BMPR2: variants seen among roughly 807,000 people sequenced by gnomAD.
BMPR2 encodes the protein bone morphogenetic protein receptor type-2.
In BMPR2, 29 loss-of-function variants were observed where a neutral mutation model predicts 100.8. That is an observed-to-expected ratio of 0.29 (90% CI 0.21 to 0.39). The LOEUF (loss-of-function observed/expected upper bound fraction) is 0.39. Among genes scored for constraint, BMPR2 ranks in the 10% least tolerant of loss-of-function variants. The pLI, the probability that BMPR2 is intolerant of heterozygous loss-of-function variation, is 1.00. For synonymous variants in BMPR2, 382 were observed against 442.3 expected, an observed-to-expected ratio of 0.86 and a Z score of 1.71; for missense variants, 1,011 against 1,274.5, an observed-to-expected ratio of 0.79 and a Z score of 3.15.
intron 10 of BMPR2, among the ~76,000 whole-genome samples, chr2:202,550,482 T>A (rs1688457493): frequency 6.6e-6 from 1 of 151,962 alleles, no homozygotes; most frequent in Non-Finnish European, 1.5e-5. Flanking sequence ...CCTTCCAAAG[T>A]CCTGGGATTA....
chr2:202,536,454 A>G lies in BMPR2; in HGVS notation c.1276+3722A>G, dbSNP rs544412283. 9.9e-5 allele frequency among the ~76,000 whole-genome samples: 15 copies of G among 152,284 alleles called. No individual in the cohort carries two copies. The East Asian group carries it at 2.7e-3, about 27-fold the overall frequency. On this transcript the variant is annotated intron_variant, in intron 9 of 12. Coordinates refer to ENST00000374580, the MANE Select transcript of BMPR2 (RefSeq NM_001204.7). ...ATTCAAAAATATAATGAAATAAATC[A>G]GTGATTAGTAGATTAAGTACAGGTT... is the stretch of plus-strand genomic sequence containing the variant.
chr2:202,402,936 C>T (rs1690796598), intron 1 of BMPR2, among the ~76,000 whole-genome samples: 1 of 151,812 alleles, frequency 6.6e-6, no homozygotes, highest in Non-Finnish European at 1.5e-5. Flanking sequence ...ACAAGCCATT[C>T]TCCTGCCTCA....
chr2:202,425,372 A>G lies in BMPR2; in HGVS notation c.77-39437A>G, dbSNP rs139486368. Among the ~76,000 whole-genome samples the G allele has an allele frequency of 2.5e-3, 376 of 152,328 alleles. 1 individual carries two copies. The highest frequency in any genetic ancestry group is 0.014 in the Middle Eastern group (4 of 294). On this transcript the variant is annotated intron_variant, in intron 1 of 12. Transcript: ENST00000374580. ...CAGGAAACAGAAGCGAGGTACAGAA[A>G]TAGCCGATTGGTTACAGCTTGGCAT...
intron 1 of BMPR2, among the ~76,000 whole-genome samples, chr2:202,453,600 A>G (rs1474588382): frequency 6.6e-6 from 1 of 152,224 alleles, no homozygotes; most frequent in Non-Finnish European, 1.5e-5. Context: ...TGGGAGCTCA[A>G]AATTAAAACA....
rs758179887 is a variant in BMPR2 at position 202,514,126 on chromosome 2, ATTTAT to A, written c.529+321_529+325del. Among the ~76,000 whole-genome samples the A allele has an allele frequency of 2.9e-3, 445 of 151,830 alleles. 3 individuals are homozygous for A. Among genetic ancestry groups the A allele is most frequent in the East Asian group, 9.1e-3 (47 of 5,178 alleles). ...CTACAATACAAGAGCTTTTTTTAAA[ATTTAT>A]TTTATTTTATTTTATTTTATTTTTG... On this transcript the variant is annotated intron_variant, in intron 4 of 12. Coordinates refer to ENST00000374580, the MANE Select transcript of BMPR2 (RefSeq NM_001204.7).
chr2:202,384,040 C>G (rs1010714178), intron 1 of BMPR2, among the ~76,000 whole-genome samples: 1 of 151,388 alleles, frequency 6.6e-6, no homozygotes, highest in Non-Finnish European at 1.5e-5. Flanking sequence ...GGCGTGGTGG[C>G]GGGCGCCTAT....
chr2:202,379,999 G>C (rs752549751), intron 1 of BMPR2, among the ~76,000 whole-genome samples: 2 of 151,912 alleles, frequency 1.3e-5, no homozygotes, highest in African/African-American at 2.4e-5. Context: ...CTGAGATTAC[G>C]GGAGCCCACC....
chr2:202,560,353 G>T lies in BMPR2; in HGVS notation c.*407G>T. On this transcript the variant is annotated 3_prime_UTR_variant, in exon 13 of 13. Transcript: ENST00000374580. The stretch of plus-strand genomic sequence containing the variant: ...ACAGGTTTGACTGCAGTGGTGTCTG[G>T]TATCCATGTTTTATTTCTGGGCACA... 5.0e-6 allele frequency: 1 copy of T among 201,314 alleles called. No homozygotes were observed. The highest frequency in any genetic ancestry group is 1.0e-5 in the Non-Finnish European group (1 of 97,114). The allele number at this position is 201,314 out of a possible 1,614,324, so 12.5% of individuals were successfully genotyped here.
At chr2:202,439,959 A>G (rs1364586531) in intron 1 of BMPR2, among the ~76,000 whole-genome samples, 1 of 150,154 alleles carries the variant, frequency 6.7e-6, no homozygotes, top group Admixed American at 6.6e-5. Flanking sequence ...CTGTTTAACA[A>G]AGCACATCTT....
At chr2:202,553,612 G>T (rs1005470325) in intron 11 of BMPR2, among the ~76,000 whole-genome samples, 3 of 151,834 alleles carry the variant, frequency 2.0e-5, no homozygotes, top group Non-Finnish European at 4.4e-5. Flanking sequence ...TCCAGGAAAG[G>T]GTTACTGGAG....
intron 3 of BMPR2, among the ~76,000 whole-genome samples, chr2:202,467,932 C>T (rs930051637): frequency 1.3e-5 from 2 of 151,726 alleles, no homozygotes; most frequent in African/African-American, 2.4e-5. Context: ...CCTGTAATCC[C>T]GCTACTCAGG....
Position 202,497,128 on chromosome 2 carries a change from G to C in BMPR2, c.419-16591G>C, listed in dbSNP as rs531590098. On this transcript the variant is annotated intron_variant, in intron 3 of 12. Transcript: ENST00000374580. Reference sequence around the variant, plus strand: ...CGGCACTGCTCTTGATTTCTCACCGGGTCTTAGCTGCCTTCCCGCGGGGCA... The same window carrying C: ...CGGCACTGCTCTTGATTTCTCACCGCGTCTTAGCTGCCTTCCCGCGGGGCA... Among the ~76,000 whole-genome samples, 6 of 152,330 alleles carry C rather than the reference G, an allele frequency of 3.9e-5. No homozygotes were observed. In the South Asian group the frequency reaches 1.2e-3, roughly 32 times the overall value.
intron 5 of BMPR2, 135 bp downstream of exon 5, chr2:202,515,114 C>T: frequency 1.2e-6 from 1 of 847,632 alleles, no homozygotes; most frequent in Admixed American, 2.0e-5. Flanking sequence ...TTGTCAAGGC[C>T]TATTCTAGGC....
At chr2:202,466,700 C>T (rs1314658745) in intron 2 of BMPR2, among the ~76,000 whole-genome samples, 1 of 151,266 alleles carries the variant, frequency 6.6e-6, no homozygotes, top group Non-Finnish European at 1.5e-5. Flanking sequence ...CAACCTTGAC[C>T]TCCTGGGCTC....
At chr2:202,438,037 G>C (rs2105936578) in intron 1 of BMPR2, among the ~76,000 whole-genome samples, 1 of 150,418 alleles carries the variant, frequency 6.6e-6, no homozygotes, top group Admixed American at 6.6e-5. Context: ...TTTATGGCCA[G>C]GCACAGTGGC....
intron 1 of BMPR2, among the ~76,000 whole-genome samples, chr2:202,423,220 A>G (rs1691306138): frequency 6.6e-6 from 1 of 152,182 alleles, no homozygotes; most frequent in Non-Finnish European, 1.5e-5. Flanking sequence ...TAACATGGCT[A>G]GGCTCAAAAA....
At chr2:202,452,286 A>G (rs1559042885) in intron 1 of BMPR2, among the ~76,000 whole-genome samples, 1 of 152,136 alleles carries the variant, frequency 6.6e-6, no homozygotes. Flanking sequence ...GCTCTGAACA[A>G]TGTTTTTGAT....
chr2:202,387,090 T>C (rs1014076039), intron 1 of BMPR2, among the ~76,000 whole-genome samples: 2 of 152,242 alleles, frequency 1.3e-5, no homozygotes, highest in East Asian at 3.8e-4. Flanking sequence ...TTGTACACAA[T>C]CTGGCTTCTG....
At chr2:202,456,166 T>C (rs540967833) in intron 1 of BMPR2, among the ~76,000 whole-genome samples, 188 of 151,058 alleles carry the variant, frequency 1.2e-3, no homozygotes, top group African/African-American at 4.4e-3. Flanking sequence ...GTTTTTTTGT[T>C]TGTTTGTTTG....
Sources: allele counts gnomAD v4.1 joint callset (sites outside exome capture counted in the v4.1 genomes callset), GRCh38; gene constraint gnomAD v4.1.1; transcripts MANE v1.5; gene names NCBI Gene and HGNC (gene_info 2026-07-23, HGNC 2026-07-21).